ZMAT4: variants seen among roughly 807,000 people sequenced by gnomAD.
ZMAT4 encodes zinc finger matrin-type protein 4.
In ZMAT4, 17 loss-of-function variants were observed where a neutral mutation model predicts 28.7. That is an observed-to-expected ratio of 0.59 (90% confidence interval 0.41 to 0.89). The LOEUF (loss-of-function observed/expected upper bound fraction) is 0.89, where lower values mean the gene tolerates loss of function less well. Among genes scored for constraint, ZMAT4 ranks in the 40% least tolerant of loss-of-function variants. The pLI, the probability that ZMAT4 is intolerant of heterozygous loss-of-function variation, is 0.00. For missense variants in ZMAT4, 240 were observed against 283.8 expected (o/e 0.85, Z 1.11); for synonymous variants, 117 against 109.2 (o/e 1.07, Z -0.44).
chr8:40,580,316 C>T (rs557488024), intron 6 of ZMAT4, among the ~76,000 whole-genome samples: 3 of 152,088 alleles, frequency 2.0e-5, no homozygotes, highest in Admixed American at 6.6e-5. Flanking sequence ...CCGGCCTATT[C>T]ATCTTTTCTT....
At chr8:40,572,042 TTTCA>T (rs1294216457) in intron 6 of ZMAT4, among the ~76,000 whole-genome samples, 1 of 152,212 alleles carries the variant, frequency 6.6e-6, no homozygotes, top group Non-Finnish European at 1.5e-5. Flanking sequence ...GTTTGATTGT[TTTCA>T]AAGAGAACAT....
intron 4 of ZMAT4, among the ~76,000 whole-genome samples, chr8:40,686,882 A>G (rs913450248): frequency 6.6e-6 from 1 of 152,080 alleles, no homozygotes; most frequent in Non-Finnish European, 1.5e-5. Context: ...TTGACCACAG[A>G]GAAAACTAAG....
chr8:40,570,031 C>G (rs1028162855), intron 6 of ZMAT4, among the ~76,000 whole-genome samples: 5 of 152,124 alleles, frequency 3.3e-5, no homozygotes, highest in African/African-American at 1.2e-4. Flanking sequence ...AGTGAGGGAA[C>G]TTGTTTTGTT....
chr8:40,739,422 C>G (rs940205997), intron 3 of ZMAT4, among the ~76,000 whole-genome samples: 1 of 152,152 alleles, frequency 6.6e-6, no homozygotes, highest in African/African-American at 2.4e-5. Flanking sequence ...AAATCTCCCC[C>G]TCCTGAGAGA....
intron 1 of ZMAT4, among the ~76,000 whole-genome samples, chr8:40,877,227 A>G (rs2137279): frequency 0.78 from 118,185 of 152,150 alleles, 46,014 homozygotes; most frequent in Admixed American, 0.82. Context: ...CCCTCAGAAG[A>G]ACCCAGCCCT....
chr8:40,684,967 T>G (rs1809335532), intron 4 of ZMAT4, among the ~76,000 whole-genome samples: 1 of 152,028 alleles, frequency 6.6e-6, no homozygotes, highest in Admixed American at 6.6e-5. Flanking sequence ...CATATATCCC[T>G]AAAAATAACA....
chr8:40,834,967 C>A (rs1208473526), intron 1 of ZMAT4, among the ~76,000 whole-genome samples: 1 of 152,196 alleles, frequency 6.6e-6, no homozygotes, highest in Admixed American at 6.5e-5. Flanking sequence ...GCACAGCAAG[C>A]CCAAATGCAC....
intron 1 of ZMAT4, among the ~76,000 whole-genome samples, chr8:40,867,694 T>C (rs900275144): frequency 8.5e-5 from 13 of 152,146 alleles, no homozygotes; most frequent in Non-Finnish European, 1.6e-4. Flanking sequence ...CTCAATCTCT[T>C]TCACTTCCTT....
chr8:40,787,128 C>T (rs1235848998), intron 2 of ZMAT4, among the ~76,000 whole-genome samples: 1 of 152,178 alleles, frequency 6.6e-6, no homozygotes, highest in African/African-American at 2.4e-5. Flanking sequence ...TATATGGAGA[C>T]TTTGAAATGC....
At chr8:40,666,131 T>C (rs1218126027) in intron 5 of ZMAT4, among the ~76,000 whole-genome samples, 4 of 152,194 alleles carry the variant, frequency 2.6e-5, no homozygotes, top group African/African-American at 9.6e-5. Context: ...CCACTGTTTC[T>C]AAGTAAGAAA....
chr8:40,889,932 T>C (rs1818607626), intron 1 of ZMAT4, among the ~76,000 whole-genome samples: 2 of 152,258 alleles, frequency 1.3e-5, no homozygotes, highest in Non-Finnish European at 2.9e-5. Context: ...TGTTTCCAAA[T>C]TATCTCATTT....
intron 1 of ZMAT4, among the ~76,000 whole-genome samples, chr8:40,842,161 G>A (rs183599716): frequency 5.6e-4 from 85 of 152,330 alleles, no homozygotes; most frequent in Admixed American, 9.8e-4. Context: ...GCTCCTGGGG[G>A]CAGCAATGGT....
intron 5 of ZMAT4, among the ~76,000 whole-genome samples, chr8:40,617,455 T>C (rs1806050072): frequency 6.6e-6 from 1 of 152,178 alleles, no homozygotes; most frequent in South Asian, 2.1e-4. Context: ...TACAGAAAGT[T>C]GTTGCAATTT....
chr8:40,860,872 A>G (rs764346418), intron 1 of ZMAT4, among the ~76,000 whole-genome samples: 1 of 152,140 alleles, frequency 6.6e-6, no homozygotes, highest in Non-Finnish European at 1.5e-5. Context: ...ACCTGGCCCT[A>G]TGTGAGCCCT....
At chr8:40,667,852 C>CAA (rs371430045) in intron 5 of ZMAT4, among the ~76,000 whole-genome samples, 2,611 of 134,818 alleles carry the variant, frequency 0.019, 31 homozygotes, top group Non-Finnish European at 0.03. Context: ...AAAAAAACAA[C>CAA]AAAAAAAAAA....
intron 1 of ZMAT4, among the ~76,000 whole-genome samples, chr8:40,893,542 A>G (rs1057161845): frequency 2.0e-5 from 3 of 152,356 alleles, no homozygotes; most frequent in Non-Finnish European, 4.4e-5. Flanking sequence ...GAGCAGGACC[A>G]GCCAGAGCTA....
chr8:40,851,315 C>A (rs75216502), intron 1 of ZMAT4, among the ~76,000 whole-genome samples: 1 of 151,588 alleles, frequency 6.6e-6, no homozygotes, highest in African/African-American at 2.4e-5. Context: ...GTGATAAGAG[C>A]GAAATTACAT....
At chr8:40,710,882 G>C (rs943577691) in intron 3 of ZMAT4, among the ~76,000 whole-genome samples, 1 of 151,956 alleles carries the variant, frequency 6.6e-6, no homozygotes, top group African/African-American at 2.4e-5. Flanking sequence ...CCGGGTTCAA[G>C]CGATTCTCCT....
intron 2 of ZMAT4, among the ~76,000 whole-genome samples, chr8:40,809,704 T>C (rs1316104524): frequency 6.6e-6 from 1 of 152,126 alleles, no homozygotes; most frequent in Non-Finnish European, 1.5e-5. Context: ...TAAAATTGAA[T>C]AGATAGATAG....
Sources: allele counts gnomAD v4.1 joint callset (sites outside exome capture counted in the v4.1 genomes callset), GRCh38; gene constraint gnomAD v4.1.1; transcripts MANE v1.5; gene names NCBI Gene and HGNC (gene_info 2026-07-23, HGNC 2026-07-21).